PUDP: variants seen among roughly 807,000 people sequenced by gnomAD.
PUDP encodes pseudouridine-5'-phosphatase.
A neutral mutation model predicts 9.4 loss-of-function variants in PUDP; 8 were observed. The observed-to-expected ratio is 0.85, with a 90% CI of 0.50 to 1.53. The LOEUF (loss-of-function observed/expected upper bound fraction) is 1.53. Ranked by LOEUF, PUDP falls within the 40% of genes most tolerant of loss-of-function variation. PUDP has a pLI of 0.00. For synonymous variants in PUDP, 99 were observed against 80.7 expected, an observed-to-expected ratio of 1.23 and a Z score of -1.22; for missense variants, 188 against 189.7, an observed-to-expected ratio of 0.99 and a Z score of 0.05.
upstream of PUDP, among the ~76,000 whole-genome samples, chrX:6,726,260 T>C (rs1321245456): frequency 1.8e-5 from 2 of 111,523 alleles, no homozygotes; most frequent in African/African-American, 6.5e-5. Context: ...CTGTGGTTAC[T>C]AAAGGCTGGG....
At chrX:7,058,056 C>T (rs1218056902) in intron 3 of PUDP, among the ~76,000 whole-genome samples, 1 of 111,235 alleles carries the variant, frequency 9.0e-6, no homozygotes, top group African/African-American at 3.3e-5. Flanking sequence ...CACGTCCCAT[C>T]GGGAAGCAGA....
chrX:6,816,270 T>C (rs907562372), intron 3 of PUDP, among the ~76,000 whole-genome samples: 5 of 105,591 alleles, frequency 4.7e-5, no homozygotes, highest in Non-Finnish European at 9.7e-5. Flanking sequence ...ATTACATGTA[T>C]AGTATATATG....
In PUDP at chrX:7,146,572, A is replaced by AT. The variant is rs1339238758; in HGVS notation, c.61+1480dup. ...GCTCCAATTAGTGACCTCTACGGGG[A>AT]TTTTTTTTTTCCTTTGGAATTCATC... On this transcript the variant is annotated intron_variant, in intron 1 of 3. Coordinates refer to ENST00000381077, the MANE Select transcript of PUDP (RefSeq NM_012080.5). 4.3e-3 allele frequency among the ~76,000 whole-genome samples: 470 copies of AT among 108,050 alleles called. 4 individuals carry two copies. Among genetic ancestry groups the AT allele is most frequent in the African/African-American group, 0.015 (436 of 29,702 alleles). The allele number at this position is 108,050 out of a possible 115,157, so 93.8% of individuals were successfully genotyped here.
intron 1 of PUDP, among the ~76,000 whole-genome samples, chrX:7,131,415 A>C (rs1932616815): frequency 9.2e-6 from 1 of 108,760 alleles, no homozygotes; most frequent in Non-Finnish European, 1.9e-5. Flanking sequence ...GAGATGTGGC[A>C]CTCTGTATTA....
chrX:6,784,570 T>TC (rs1247784870), intron 3 of PUDP, among the ~76,000 whole-genome samples: 1 of 111,820 alleles, frequency 8.9e-6, no homozygotes, highest in African/African-American at 3.2e-5. Context: ...AATTACCTGT[T>TC]CATCTTCGTT....
At chrX:6,730,130 C>G (rs913642760) in intron 3 of PUDP, among the ~76,000 whole-genome samples, 1 of 111,870 alleles carries the variant, frequency 8.9e-6, no homozygotes, top group African/African-American at 3.3e-5. Context: ...TGACCTTTGA[C>G]AAATCTCCTG....
intron 3 of PUDP, among the ~76,000 whole-genome samples, chrX:6,755,108 T>C (rs985187075): frequency 9.0e-6 from 1 of 111,674 alleles, no homozygotes; most frequent in African/African-American, 3.3e-5. Flanking sequence ...AGAAGCTTCA[T>C]TCAGGCATGA....
downstream of PUDP, among the ~76,000 whole-genome samples, chrX:7,047,582 G>C (rs1434075667): frequency 8.9e-6 from 1 of 112,372 alleles, no homozygotes; most frequent in African/African-American, 3.2e-5. Context: ...TCTTCGTAAA[G>C]CAAGTCTCTC....
chrX:6,722,573 A>C (rs1157483638), upstream of PUDP, among the ~76,000 whole-genome samples: 1 of 112,396 alleles, frequency 8.9e-6, no homozygotes, highest in Non-Finnish European at 1.9e-5. Context: ...TTAAAGGAGA[A>C]TATTGGAGTA....
chrX:7,115,345 G>A (rs779257755), intron 1 of PUDP, among the ~76,000 whole-genome samples: 1 of 112,334 alleles, frequency 8.9e-6, no homozygotes, highest in Non-Finnish European at 1.9e-5. Context: ...GTTGTCCTTG[G>A]TGACCTTCTT....
At chrX:6,857,999 C>T (rs947301331) in intron 3 of PUDP, among the ~76,000 whole-genome samples, 7 of 111,710 alleles carry the variant, frequency 6.3e-5, no homozygotes, top group African/African-American at 2.3e-4. Flanking sequence ...AAGTTAATAG[C>T]GTCAGGATGG....
At chrX:6,719,589 G>A (rs1924637770) in intron 1 of PUDP, among the ~76,000 whole-genome samples, 2 of 111,959 alleles carry the variant, frequency 1.8e-5, no homozygotes, top group South Asian at 7.4e-4. Flanking sequence ...GTTAAGATTG[G>A]TGGATATCCC....
At chrX:7,115,688 A>G (rs769182965) in intron 1 of PUDP, among the ~76,000 whole-genome samples, 1 of 112,073 alleles carries the variant, frequency 8.9e-6, no homozygotes, top group South Asian at 3.7e-4. Context: ...AACAGCAAAA[A>G]CTGTTCTGAA....
chrX:6,827,478 A>C (rs1712261806), intron 3 of PUDP, among the ~76,000 whole-genome samples: 1 of 111,554 alleles, frequency 9.0e-6, no homozygotes, highest in African/African-American at 3.3e-5. Flanking sequence ...ATAAAGTTAC[A>C]AAGTCATTTA....
chrX:7,129,971 C>T (rs1345462939), intron 1 of PUDP, among the ~76,000 whole-genome samples: 1 of 111,725 alleles, frequency 9.0e-6, no homozygotes, highest in Non-Finnish European at 1.9e-5. Flanking sequence ...GGTTATTTTC[C>T]ATGTTTATCC....
chrX:6,968,507 T>G (rs1354838458), intron 3 of PUDP, among the ~76,000 whole-genome samples: 1 of 111,248 alleles, frequency 9.0e-6, no homozygotes, highest in Non-Finnish European at 1.9e-5. Context: ...GGAGAGCTGA[T>G]GGTGGGGCCG....
chrX:6,814,938 G>A (rs1011257682), intron 3 of PUDP, among the ~76,000 whole-genome samples: 4 of 111,457 alleles, frequency 3.6e-5, no homozygotes, highest in Middle Eastern at 4.6e-3. Context: ...TGTTTTCATA[G>A]CAGTTTGGAC....
intron 3 of PUDP, among the ~76,000 whole-genome samples, chrX:7,068,411 G>A (rs1210968797): frequency 8.9e-6 from 1 of 111,843 alleles, no homozygotes; most frequent in Non-Finnish European, 1.9e-5. Context: ...ATTGGCTTCT[G>A]CTTCCGTATA....
chrX:6,991,316 C>G (rs1929173148), intron 1 of PUDP, among the ~76,000 whole-genome samples: 1 of 110,973 alleles, frequency 9.0e-6, no homozygotes, highest in Non-Finnish European at 1.9e-5. Context: ...TTGTGATCAC[C>G]AAAGTCAAGT....
Sources: gnomAD v4.1 joint callset for allele counts (sites outside exome capture counted in the v4.1 genomes callset) on GRCh38, gnomAD v4.1.1 for gene constraint, MANE v1.5 for transcripts, NCBI Gene and HGNC (gene_info 2026-07-23, HGNC 2026-07-21) for gene names.